The following DCDC2 variants were observed in gnomAD, a reference collection of about 807,000 sequenced individuals.
DCDC2 encodes doublecortin domain containing 2.
A neutral mutation model predicts 50.2 loss-of-function variants in DCDC2; 40 were observed. That is an observed-to-expected ratio of 0.80 (90% CI 0.62 to 1.04). The LOEUF is 1.04. Ranked by LOEUF, DCDC2 falls within the 50% of genes least tolerant of loss-of-function variation. The pLI is 0.00. For synonymous variants in DCDC2, 234 were observed against 210.6 expected (o/e 1.11, Z -0.96); for missense variants, 570 against 581.9 (o/e 0.98, Z 0.21).
intron 7 of DCDC2, among the ~76,000 whole-genome samples, chr6:24,241,077 G>A (rs1315682724): frequency 2.0e-5 from 3 of 152,312 alleles, no homozygotes; most frequent in East Asian, 3.9e-4. Context: ...TAGAATACAG[G>A]CGGAAGTTTT....
intron 7 of DCDC2, among the ~76,000 whole-genome samples, chr6:24,218,492 T>G (rs997129299): frequency 1.3e-5 from 2 of 152,142 alleles, no homozygotes; most frequent in African/African-American, 2.4e-5. Flanking sequence ...ATCTGTCAGT[T>G]TTGTTTTGCT....
the DCDC2 span, among the ~76,000 whole-genome samples, chr6:24,373,934 G>T: frequency 6.6e-6 from 1 of 151,468 alleles, no homozygotes; most frequent in Non-Finnish European, 1.5e-5. Context: ...AGTCCGATGC[G>T]GGCAGATCAC....
At chr6:24,269,851 T>C (rs1485246288) in intron 7 of DCDC2, among the ~76,000 whole-genome samples, 1 of 151,986 alleles carries the variant, frequency 6.6e-6, no homozygotes, top group Non-Finnish European at 1.5e-5. Flanking sequence ...CCAGCTAAGA[T>C]GTGTCAAAAT....
intron 2 of DCDC2, among the ~76,000 whole-genome samples, chr6:24,317,877 A>C (rs536547444): frequency 1.3e-5 from 2 of 152,134 alleles, no homozygotes; most frequent in East Asian, 3.9e-4. Context: ...AAAATCTAAA[A>C]ATTGATCTTT....
Position 24,357,656 on chromosome 6 carries a change from C to A in DCDC2, c.95G>T (p.Arg32Leu). The A allele has an allele frequency of 3.1e-6, 5 of 1,613,442 alleles. No homozygotes were observed. Among genetic ancestry groups the A allele is most frequent in the Non-Finnish European group, 3.4e-6 (4 of 1,180,040 alleles). The change falls in exon 1 of 10, where the codon CGC becomes CTC. Residue 32 changes from arginine to leucine, a missense_variant. Transcript: ENST00000378454. ...YRNGDPFYAG[R>L]RVVIHEKKVS... is the part of the protein sequence containing the mutation. ...CTTCTTCTCATGGATGACGACGCGG[C>A]GCCCCGCGTAGAAGGGGTCCCCGTT... is the stretch of plus-strand genomic sequence containing the variant.
intron 8 of DCDC2, among the ~76,000 whole-genome samples, chr6:24,186,970 G>A (rs1761217450): frequency 6.6e-6 from 1 of 152,150 alleles, no homozygotes; most frequent in African/African-American, 2.4e-5. Context: ...CCAACACCTT[G>A]ATCTCAGACT....
At chr6:24,305,093 C>T (rs1189710148) in intron 2 of DCDC2, among the ~76,000 whole-genome samples, 2 of 152,162 alleles carry the variant, frequency 1.3e-5, no homozygotes, top group African/African-American at 2.4e-5. Flanking sequence ...AATCTTGTTG[C>T]ATTGTCTAAA....
intron 7 of DCDC2, among the ~76,000 whole-genome samples, chr6:24,276,414 CA>C (rs56396342): frequency 2.9e-4 from 43 of 146,024 alleles, no homozygotes; most frequent in African/African-American, 6.1e-4. Context: ...AGGCTTTTAA[CA>C]AAAAAAAAAA....
At chr6:24,202,611 T>C (rs1208199534) in intron 8 of DCDC2, among the ~76,000 whole-genome samples, 2 of 152,058 alleles carry the variant, frequency 1.3e-5, no homozygotes, top group African/African-American at 4.8e-5. Flanking sequence ...CTATTTAACA[T>C]AGTATTAGAA....
intron 7 of DCDC2, among the ~76,000 whole-genome samples, chr6:24,207,290 GAC>G (rs145473567): frequency 1.8e-4 from 17 of 95,792 alleles, no homozygotes; most frequent in African/African-American, 2.0e-4. Context: ...CTCTCTCTCA[GAC>G]ACACACACAC....
intron 7 of DCDC2, among the ~76,000 whole-genome samples, chr6:24,251,056 C>T (rs1762783243): frequency 6.6e-6 from 1 of 152,140 alleles, no homozygotes; most frequent in South Asian, 2.1e-4. Context: ...AACAGGACAT[C>T]TATTATTAAA....
intron 2 of DCDC2, among the ~76,000 whole-genome samples, chr6:24,310,214 C>G (rs1396339628): frequency 6.6e-6 from 1 of 152,128 alleles, no homozygotes; most frequent in Admixed American, 6.6e-5. Context: ...CATATAATAT[C>G]TGATGTGCTA....
Position 24,230,339 on chromosome 6 carries a change from A to G in DCDC2, c.923-25237T>C, listed in dbSNP as rs1581599947. ...AATACAGTAGTAATTGAAAACAACA[A>G]CCCTTAAATAAAGACTCGAGAGCCA... On this transcript the variant is annotated intron_variant, in intron 7 of 9. Transcript: ENST00000378454. Among the ~76,000 whole-genome samples, 5 of 151,090 alleles carry G rather than the reference A, an allele frequency of 3.3e-5. No homozygotes were observed. The South Asian group carries it at 1.0e-3, about 31-fold the overall frequency.
chr6:24,187,988 G>A (rs1208375878), intron 8 of DCDC2, among the ~76,000 whole-genome samples: 1 of 152,200 alleles, frequency 6.6e-6, no homozygotes, highest in Non-Finnish European at 1.5e-5. Context: ...TGAATTCTTT[G>A]ACCATTGGAT....
intron 7 of DCDC2, among the ~76,000 whole-genome samples, chr6:24,224,996 C>A (rs576519185): frequency 1.3e-5 from 2 of 152,238 alleles, no homozygotes; most frequent in South Asian, 4.1e-4. Context: ...TGTGTGGGTG[C>A]GTGTTTCCAT....
chr6:24,370,352 T>C, the DCDC2 span, among the ~76,000 whole-genome samples: 3 of 152,206 alleles, frequency 2.0e-5, no homozygotes, highest in Admixed American at 6.5e-5. Context: ...CAAAAAGAGA[T>C]AGGATATCAT....
chr6:24,382,009 A>AAGGAAGGAAGGCAGGC, the DCDC2 span, among the ~76,000 whole-genome samples: 328 of 116,468 alleles, frequency 2.8e-3, 3 homozygotes, highest in Middle Eastern at 0.012. Context: ...GGAAGGAAGG[A>AAGGAAGGAAGGCAGGC]AGGCAGGCAA....
chr6:24,224,206 GTTCA>G (rs1028774805), intron 7 of DCDC2, among the ~76,000 whole-genome samples: 69 of 152,180 alleles, frequency 4.5e-4, no homozygotes, highest in African/African-American at 1.4e-3. Flanking sequence ...CAGTTCATTC[GTTCA>G]TTCATTAATT....
At position 24,278,266 on chromosome 6, in the gene DCDC2, T is replaced by C. The variant is rs564241189; in HGVS notation, c.760-55A>G. On this transcript the variant is annotated intron_variant, in intron 6 of 9. Coordinates refer to ENST00000378454, the MANE Select transcript of DCDC2 (RefSeq NM_016356.5). ...TTAGCTAATGAACTCTCAAAAACAT[T>C]CCCAGTAAATACATGTCATTAACTA... 1.5e-5 allele frequency: 22 copies of C among 1,497,484 alleles called. No homozygotes were observed. The South Asian group carries it at 2.6e-4, about 18-fold the overall frequency. The allele number at this position is 1,497,484 out of a possible 1,614,324, so 92.8% of individuals were successfully genotyped here. A position where few individuals can be genotyped will look rare whatever the true frequency, so the allele number is the denominator to read the frequency against.
Sources: gnomAD v4.1 joint callset for allele counts (sites outside exome capture counted in the v4.1 genomes callset) on GRCh38, gnomAD v4.1.1 for gene constraint, MANE v1.5 for transcripts, NCBI Gene and HGNC (gene_info 2026-07-23, HGNC 2026-07-21) for gene names.